SEMA5A: variants seen among roughly 807,000 people sequenced by gnomAD.
SEMA5A encodes the protein semaphorin-5A.
In SEMA5A, 55 loss-of-function variants were observed where a neutral mutation model predicts 135.5. That is an observed-to-expected ratio of 0.41 (90% CI 0.33 to 0.51). The LOEUF (loss-of-function observed/expected upper bound fraction) is 0.51. Ranked by LOEUF, SEMA5A falls within the 20% of genes least tolerant of loss-of-function variation. The pLI is 0.37. For synonymous variants in SEMA5A, 580 were observed against 546.5 expected (o/e 1.06, Z -0.85); for missense variants, 1,290 against 1,419.9 (o/e 0.91, Z 1.47).
At chr5:9,354,103 C>A (rs1754338431) in intron 3 of SEMA5A, among the ~76,000 whole-genome samples, 1 of 152,146 alleles carries the variant, frequency 6.6e-6, no homozygotes, top group Non-Finnish European at 1.5e-5. Flanking sequence ...AAATCACCAG[C>A]CTCTGCAAAG....
chr5:9,455,655 C>T (rs1042770288), intron 1 of SEMA5A, among the ~76,000 whole-genome samples: 1 of 152,162 alleles, frequency 6.6e-6, no homozygotes, highest in African/African-American at 2.4e-5. Context: ...TGCAATCAAG[C>T]AATCTTATAG....
chr5:9,303,494 A>G (rs1486316873), intron 5 of SEMA5A, among the ~76,000 whole-genome samples: 2 of 152,160 alleles, frequency 1.3e-5, no homozygotes, highest in Non-Finnish European at 1.5e-5. Context: ...AAAAGATACC[A>G]TTAATTTTTT....
intron 2 of SEMA5A, among the ~76,000 whole-genome samples, chr5:9,407,979 C>G (rs957489835): frequency 2.6e-5 from 4 of 152,026 alleles, no homozygotes; most frequent in African/African-American, 9.7e-5. Context: ...CTATTGCCAC[C>G]ATCACTACTA....
chr5:9,066,795 A>C, intron 16 of SEMA5A, 149 bp from the exon 17 acceptor site: 1 of 644,588 alleles, frequency 1.6e-6, no homozygotes, highest in Non-Finnish European at 2.7e-6. Context: ...AAACACATTT[A>C]TGTTAAATTA....
intron 5 of SEMA5A, among the ~76,000 whole-genome samples, chr5:9,271,599 T>C (rs1463081553): frequency 6.6e-6 from 1 of 152,178 alleles, no homozygotes; most frequent in African/African-American, 2.4e-5. Flanking sequence ...GCTGGCAAGA[T>C]GGCAGAATAG....
intron 1 of SEMA5A, among the ~76,000 whole-genome samples, chr5:9,510,352 A>G (rs1051055379): frequency 1.3e-5 from 2 of 151,820 alleles, no homozygotes; most frequent in Admixed American, 6.6e-5. Context: ...ACACATTAAA[A>G]CCTCCAGTAT....
At chr5:9,190,555 C>T (rs1002896558) in intron 10 of SEMA5A, 84 bp from the exon 11 acceptor site, 1 of 1,309,278 alleles carries the variant, frequency 7.6e-7, no homozygotes, top group East Asian at 2.4e-5. Flanking sequence ...TGGAAAGTAA[C>T]TTGGAAATCA....
chr5:9,514,368 G>T (rs1317053708), intron 1 of SEMA5A, among the ~76,000 whole-genome samples: 1 of 152,058 alleles, frequency 6.6e-6, no homozygotes, highest in Non-Finnish European at 1.5e-5. Flanking sequence ...ATTAGGACAG[G>T]GACGTCTTTG....
intron 14 of SEMA5A, among the ~76,000 whole-genome samples, chr5:9,120,082 T>C (rs1365360046): frequency 1.3e-5 from 2 of 152,096 alleles, no homozygotes; most frequent in African/African-American, 4.8e-5. Flanking sequence ...ACATAGGTTT[T>C]TTTTTAAAAT....
intron 12 of SEMA5A, among the ~76,000 whole-genome samples, chr5:9,141,939 G>A (rs1217645168): frequency 1.3e-5 from 2 of 152,000 alleles, no homozygotes; most frequent in Non-Finnish European, 2.9e-5. Context: ...TTGCCATTTT[G>A]TTAATATAAA....
intron 16 of SEMA5A, among the ~76,000 whole-genome samples, chr5:9,092,226 A>T: frequency 6.6e-6 from 1 of 152,358 alleles, no homozygotes. Flanking sequence ...GTTGATGTGC[A>T]TGAGGTGCAG....
At chr5:9,217,257 A>C (rs899926476) in intron 8 of SEMA5A, among the ~76,000 whole-genome samples, 1 of 152,216 alleles carries the variant, frequency 6.6e-6, no homozygotes, top group Non-Finnish European at 1.5e-5. Context: ...TTAGCCGGAT[A>C]TGAAATTCTT....
In SEMA5A at chr5:9,511,003, G is replaced by A. The variant is rs145814195; in HGVS notation, c.-175+34581C>T. Among the ~76,000 whole-genome samples, 980 of 152,162 alleles carry A rather than the reference G, an allele frequency of 6.4e-3. 8 individuals carry two copies. Among genetic ancestry groups the A allele is most frequent in the African/African-American group, 0.022 (921 of 41,496 alleles). ...GTTGTCTTAGGCCATTCAAATTTTC[G>A]TTTGCATCTGTGGCCGTGAGTATCA... On this transcript the variant is annotated intron_variant, in intron 1 of 22. Coordinates refer to ENST00000382496, the MANE Select transcript of SEMA5A (RefSeq NM_003966.3).
At chr5:9,122,549 C>T (rs189309400) in intron 14 of SEMA5A, 107 bp downstream of exon 14, 2 of 1,166,150 alleles carry the variant, frequency 1.7e-6, no homozygotes, top group South Asian at 2.9e-5. Context: ...TGGTGTTTCA[C>T]CACAGTTCTC....
intron 16 of SEMA5A, among the ~76,000 whole-genome samples, chr5:9,079,490 C>T (rs1367496755): frequency 1.3e-5 from 2 of 151,806 alleles, no homozygotes; most frequent in East Asian, 3.9e-4. Context: ...TCTAACATCA[C>T]AATTAAAAGA....
At chr5:9,120,862 T>C (rs1579430863) in intron 14 of SEMA5A, among the ~76,000 whole-genome samples, 1 of 151,428 alleles carries the variant, frequency 6.6e-6, no homozygotes, top group Non-Finnish European at 1.5e-5. Context: ...CACTGTAACC[T>C]CCGCCTGCTG....
At chr5:9,253,086 C>A (rs145464194) in intron 5 of SEMA5A, among the ~76,000 whole-genome samples, 1 of 152,158 alleles carries the variant, frequency 6.6e-6, no homozygotes, top group Non-Finnish European at 1.5e-5. Context: ...ACATTCCTCC[C>A]TATGCTATCA....
At chr5:9,213,056 C>T (rs1244522269) in intron 8 of SEMA5A, among the ~76,000 whole-genome samples, 1 of 152,192 alleles carries the variant, frequency 6.6e-6, no homozygotes, top group Non-Finnish European at 1.5e-5. Flanking sequence ...TCACTGTGTC[C>T]TCACAAGGTG....
At chr5:9,377,771 G>C (rs1025183329) in intron 3 of SEMA5A, among the ~76,000 whole-genome samples, 6 of 152,194 alleles carry the variant, frequency 3.9e-5, no homozygotes, top group African/African-American at 1.4e-4. Flanking sequence ...GGAGTATCAG[G>C]AGAAGTTTAT....
Sources: allele counts gnomAD v4.1 joint callset (sites outside exome capture counted in the v4.1 genomes callset), GRCh38; gene constraint gnomAD v4.1.1; transcripts MANE v1.5; gene names NCBI Gene and HGNC (gene_info 2026-07-23, HGNC 2026-07-21).